Variants in RPTOR observed in about 807,000 individuals in gnomAD.
The protein encoded by RPTOR is regulatory-associated protein of mTOR.
Under a neutral mutation model 169.9 loss-of-function variants are expected in RPTOR, and 21 were observed. The ratio of observed to expected loss-of-function variants is 0.12; its 90% CI spans 0.09 to 0.18. RPTOR has a LOEUF of 0.18. RPTOR is among the 10% of genes least tolerant of loss of function. The probability of loss-of-function intolerance (pLI) is 1.00; values close to 1 mark genes in which losing one functional copy is unlikely to be tolerated. For missense variants in RPTOR, 1,133 were observed against 1,855.9 expected (o/e 0.61, Z 7.16); for synonymous variants, 732 against 753.2 (o/e 0.97, Z 0.46).
At chr17:80,958,635 T>A (rs898130268) in intron 29 of RPTOR, among the ~76,000 whole-genome samples, 1 of 151,922 alleles carries the variant, frequency 6.6e-6, no homozygotes, top group Non-Finnish European at 1.5e-5. Context: ...GAATGGTCTC[T>A]ATCTCCTGAC....
intron 20 of RPTOR, among the ~76,000 whole-genome samples, chr17:80,900,725 T>C (rs1373215490): frequency 6.6e-6 from 1 of 152,218 alleles, no homozygotes; most frequent in African/African-American, 2.4e-5. Context: ...CCATGCTCCA[T>C]GGGGTTCTCG....
Position 80,754,002 on chromosome 17 carries a change from C to T in RPTOR, c.655-8C>T, listed in dbSNP as rs1598282419. On this transcript the variant is annotated splice_region_variant and splice_polypyrimidine_tract_variant and intron_variant, in intron 5 of 33. Coordinates refer to ENST00000306801, the MANE Select transcript of RPTOR (RefSeq NM_020761.3). This position sits in a 1 kb window ranked among gnomAD's most constrained non-coding sequence, Gnocchi z 4.2. ...ACACTCTCTTTTCCCGAATGTTCTG[C>T]CCTTCAGGTAGCTGCAATCAACCCA... is the stretch of plus-strand genomic sequence containing the variant. 6.2e-7 allele frequency: 1 copy of T among 1,609,822 alleles called. No individual in the cohort carries two copies. The highest frequency in any genetic ancestry group is 8.5e-7 in the Non-Finnish European group (1 of 1,176,700).
rs986962776 is a variant in RPTOR, at chr17:80,965,955, G to A, written c.*1625G>A. 3.0e-5 allele frequency: 7 copies of A among 233,338 alleles called. No homozygotes were observed. The highest frequency in any genetic ancestry group is 5.9e-5 in the Non-Finnish European group (7 of 118,172). The allele number at this position is 233,338 out of a possible 1,614,324, so 14.5% of individuals were successfully genotyped here. On this transcript the variant is annotated 3_prime_UTR_variant, in exon 34 of 34. Transcript: ENST00000306801. ...CCCGGCCTCACTCAGCTCACAGGGC[G>A]TGCCAGGCGGCAACACCAGAATCTT...
At chr17:80,894,341 C>T (rs551734396) in intron 20 of RPTOR, among the ~76,000 whole-genome samples, 23 of 152,318 alleles carry the variant, frequency 1.5e-4, no homozygotes, top group Admixed American at 5.2e-4. Context: ...ACACAGTGTC[C>T]GCAGTGAGAG....
chr17:80,773,977 C>T (rs1041834129), intron 6 of RPTOR: 3 of 985,444 alleles, frequency 3.0e-6, no homozygotes, highest in African/African-American at 1.7e-5. Context: ...GACAAAGGCC[C>T]TCTTCTCGGG....
chr17:80,592,868 G>A (rs1026218510), intron 1 of RPTOR, among the ~76,000 whole-genome samples: 21 of 152,152 alleles, frequency 1.4e-4, no homozygotes, highest in Admixed American at 9.2e-4. Context: ...TTTCCCTGGC[G>A]CCTGGATCTG....
chr17:80,852,142 G>A (rs972625737), intron 11 of RPTOR, among the ~76,000 whole-genome samples: 4 of 152,100 alleles, frequency 2.6e-5, no homozygotes, highest in African/African-American at 7.2e-5. Context: ...CTTTACATCC[G>A]CTGGACACCT....
At chr17:80,585,923 T>C (rs1178755226) in intron 1 of RPTOR, among the ~76,000 whole-genome samples, 1 of 152,138 alleles carries the variant, frequency 6.6e-6, no homozygotes, top group Non-Finnish European at 1.5e-5. Context: ...ATAATTTAGG[T>C]ATATACACTC....
intron 13 of RPTOR, among the ~76,000 whole-genome samples, chr17:80,877,850 C>T (rs1050437012): frequency 4.6e-5 from 7 of 152,212 alleles, no homozygotes; most frequent in Non-Finnish European, 7.3e-5. Flanking sequence ...CCTGACCACC[C>T]GCTCCCCATC....
intron 3 of RPTOR, among the ~76,000 whole-genome samples, chr17:80,671,795 G>T (rs1019702853): frequency 2.0e-5 from 3 of 152,162 alleles, no homozygotes; most frequent in Admixed American, 2.0e-4. Context: ...TCTCAGTTTT[G>T]AAATAGGTGT....
At chr17:80,678,788 G>A (rs1343400588) in intron 3 of RPTOR, among the ~76,000 whole-genome samples, 3 of 152,176 alleles carry the variant, frequency 2.0e-5, no homozygotes, top group Admixed American at 2.0e-4. Context: ...GTGGTGTTGA[G>A]TCACTTGCGA....
At chr17:80,876,057 CA>C (rs751715654) in intron 13 of RPTOR, among the ~76,000 whole-genome samples, 1 of 77,184 alleles carries the variant, frequency 1.3e-5, no homozygotes, top group Admixed American at 1.2e-4. Flanking sequence ...GCTGGGTCTT[CA>C]CACCGAGCCC....
intron 3 of RPTOR, among the ~76,000 whole-genome samples, chr17:80,645,233 G>A (rs2065585335): frequency 6.6e-6 from 1 of 152,182 alleles, no homozygotes; most frequent in Non-Finnish European, 1.5e-5. Context: ...CAGAGTGGCA[G>A]TATTAGAAGA....
At chr17:80,640,830 G>A (rs565906441) in intron 2 of RPTOR, among the ~76,000 whole-genome samples, 1 of 152,214 alleles carries the variant, frequency 6.6e-6, no homozygotes, top group Admixed American at 6.5e-5. Flanking sequence ...GTGGTTCACT[G>A]GAGAGCATGC....
At position 80,923,760 on chromosome 17, in the gene RPTOR, A is replaced by G. The variant is rs1004761943; in HGVS notation, c.2808+87A>G. 3 of 1,392,436 alleles carry G rather than the reference A, an allele frequency of 2.2e-6. No homozygotes were observed. In the African/African-American group the frequency reaches 4.4e-5, roughly 20 times the overall value. The allele number at this position is 1,392,436 out of a possible 1,614,324, so 86.3% of individuals were successfully genotyped here. ...TCATGGCCTCAGCCTCAGGCTGCTC[A>G]CATCACCATGGGATGGGGCAGGACC... On this transcript the variant is annotated intron_variant, in intron 23 of 33. Coordinates refer to ENST00000306801, the MANE Select transcript of RPTOR (RefSeq NM_020761.3).
At chr17:80,575,329 C>A (rs1349811084) in intron 1 of RPTOR, among the ~76,000 whole-genome samples, 1 of 152,190 alleles carries the variant, frequency 6.6e-6, no homozygotes, top group Non-Finnish European at 1.5e-5. Context: ...TCAAATTATT[C>A]TCTAAATTTT....
At chr17:80,804,959 G>A (rs1317454093) in intron 7 of RPTOR, 1 of 152,334 alleles carries the variant, frequency 6.6e-6, no homozygotes, top group Non-Finnish European at 1.5e-5. Flanking sequence ...GGTAGGAGGA[G>A]TGCTGACCTT....
intron 6 of RPTOR, among the ~76,000 whole-genome samples, chr17:80,755,866 CTT>C (rs1180007753): frequency 6.6e-6 from 1 of 152,100 alleles, no homozygotes; most frequent in Non-Finnish European, 1.5e-5. Context: ...CTGATGCAGA[CTT>C]AGCCTGAAAG....
chr17:80,966,046 A>C lies in RPTOR; in HGVS notation c.*1716A>C. The C allele has an allele frequency of 4.3e-6, 1 of 231,944 alleles. No individual in the cohort carries two copies. The highest frequency in any genetic ancestry group is 8.5e-6 in the Non-Finnish European group (1 of 117,446). The allele number at this position is 231,944 out of a possible 1,614,324, so 14.4% of individuals were successfully genotyped here. On this transcript the variant is annotated 3_prime_UTR_variant, in exon 34 of 34. Transcript: ENST00000306801. ...AGTCCTTCAACTCAATTCTTACCCAACACGCGTTTCTGTTTGTTTTGAGAC... is the reference window on the plus strand; with the variant it reads ...AGTCCTTCAACTCAATTCTTACCCACCACGCGTTTCTGTTTGTTTTGAGAC...
Sources: gnomAD v4.1 joint callset for allele counts (sites outside exome capture counted in the v4.1 genomes callset) on GRCh38, gnomAD v4.1.1 for gene constraint, Gnocchi (gnomAD v3.1) non-coding constraint, MANE v1.5 for transcripts, NCBI Gene and HGNC (gene_info 2026-07-23, HGNC 2026-07-21) for gene names.